The following SLC1A7 variants were observed in gnomAD, a reference collection of about 807,000 sequenced individuals.
SLC1A7 encodes excitatory amino acid transporter 5.
Under a neutral mutation model 47.7 loss-of-function variants are expected in SLC1A7, and 40 were observed. That is an observed-to-expected ratio of 0.84 (90% CI 0.65 to 1.09). The LOEUF is 1.09. SLC1A7 is among the 50% of genes least tolerant of loss of function. SLC1A7 has a pLI of 0.00. For missense variants in SLC1A7, 746 were observed against 769.5 expected (o/e 0.97, Z 0.36); for synonymous variants, 323 against 325.6 (o/e 0.99, Z 0.09).
intron 2 of SLC1A7, among the ~76,000 whole-genome samples, chr1:53,125,888 C>T (rs1644877038): frequency 6.6e-6 from 1 of 152,192 alleles, no homozygotes; most frequent in Admixed American, 6.5e-5. Flanking sequence ...CTGACTGTGG[C>T]CACGGGGTGG....
intron 3 of SLC1A7, among the ~76,000 whole-genome samples, chr1:53,114,129 T>G (rs532260490): frequency 1.3e-5 from 2 of 152,168 alleles, no homozygotes; most frequent in African/African-American, 4.8e-5. Flanking sequence ...AGGGAGCGAA[T>G]GCACGAAGGA....
chr1:53,105,036 C>T (rs766771964), intron 4 of SLC1A7, among the ~76,000 whole-genome samples: 5 of 151,734 alleles, frequency 3.3e-5, no homozygotes, highest in African/African-American at 4.8e-5. Flanking sequence ...ATTTCATAAC[C>T]GGGGAAAATG....
intron 1 of SLC1A7, among the ~76,000 whole-genome samples, chr1:53,135,224 T>C: frequency 6.6e-6 from 1 of 152,302 alleles, no homozygotes; most frequent in East Asian, 1.9e-4. Flanking sequence ...AGCCGAGTAC[T>C]GTTCATGCAT....
intron 5 of SLC1A7, among the ~76,000 whole-genome samples, chr1:53,097,743 C>G (rs1351966103): frequency 6.6e-6 from 1 of 151,616 alleles, no homozygotes; most frequent in Non-Finnish European, 1.5e-5. Flanking sequence ...TACAGTCACA[C>G]ACAGTGCCTT....
intron 5 of SLC1A7, among the ~76,000 whole-genome samples, chr1:53,099,820 G>A (rs1429172205): frequency 1.3e-5 from 2 of 148,288 alleles, no homozygotes; most frequent in Non-Finnish European, 3.0e-5. Context: ...CCCCACCTTG[G>A]TACACTCACA....
At chr1:53,120,281 C>T (rs1394798558) in intron 2 of SLC1A7, among the ~76,000 whole-genome samples, 1 of 152,152 alleles carries the variant, frequency 6.6e-6, no homozygotes, top group Non-Finnish European at 1.5e-5. Flanking sequence ...TGCAGGGCAG[C>T]TCTGCCATTT....
intron 5 of SLC1A7, among the ~76,000 whole-genome samples, chr1:53,098,024 G>C (rs61769978): frequency 6.3e-5 from 9 of 143,118 alleles, no homozygotes; most frequent in African/African-American, 2.4e-4. Flanking sequence ...ACCCTGCCTC[G>C]GTACACTCAC....
chr1:53,095,952 A>G (rs747808491), intron 5 of SLC1A7, among the ~76,000 whole-genome samples: 5 of 144,934 alleles, frequency 3.4e-5, no homozygotes, highest in Non-Finnish European at 7.5e-5. Flanking sequence ...GTACAGTCAC[A>G]CCACCTCGGT....
chr1:53,135,883 A>AT (rs36025187), intron 1 of SLC1A7, among the ~76,000 whole-genome samples: 33,649 of 150,778 alleles, frequency 0.22, 4,193 homozygotes, highest in South Asian at 0.49. Context: ...ACTTGCAACT[A>AT]TTTTTTTTTA....
chr1:53,139,320 G>T (rs1386658507), intron 1 of SLC1A7, among the ~76,000 whole-genome samples: 1 of 152,208 alleles, frequency 6.6e-6, no homozygotes, highest in Non-Finnish European at 1.5e-5. Context: ...GAATGACATG[G>T]TGCCTAAGCT....
At position 53,103,485 on chromosome 1, in the gene SLC1A7, C is replaced by T. The variant is rs533479598; in HGVS notation, c.558G>A (p.Gly186=). 1 of 1,613,164 alleles carries T rather than the reference C, an allele frequency of 6.2e-7. No individual in the cohort carries two copies. The highest frequency in any genetic ancestry group is 1.7e-5 in the Admixed American group (1 of 59,934). Residue 186 remains glycine (G), a synonymous_variant, in exon 5 of 11, where the codon GGG becomes GGA. Coordinates refer to ENST00000371494, the MANE Select transcript of SLC1A7 (RefSeq NM_006671.6). The part of the protein sequence containing the change: ...EAPPRRILIY[G]VQEENGSHVQ... ...CATGGGAGCCATTCTCCTCCTGGAC[C>T]CCGTAGATGAGGATCCGCCGAGGAG...
chr1:53,142,321 T>C lies in SLC1A7; in HGVS notation c.129A>G (p.Ser43=), dbSNP rs1572358242. 1 of 1,557,642 alleles carries C rather than the reference T, an allele frequency of 6.4e-7. No individual in the cohort carries two copies. The highest frequency in any genetic ancestry group is 2.4e-5 in the East Asian group (1 of 41,450). ...LGFFLRTRRL[S]PQEISYFQFP... is the part of the protein sequence containing the mutation. ...GATGCTCTGGGTGGCTGACCTGTGG[T>C]GAGAGGCGCCGGGTCCTCAAGAAGA... is the stretch of plus-strand genomic sequence containing the variant. Residue 43 remains serine (S), a synonymous_variant, in exon 1 of 11, where the codon TCA becomes TCG. Transcript: ENST00000371494.
chr1:53,092,506 G>T (rs1408897213), intron 7 of SLC1A7, 48 bp downstream of exon 7: 1 of 1,369,056 alleles, frequency 7.3e-7, no homozygotes, highest in Non-Finnish European at 1.0e-6. Context: ...GACGGACAGG[G>T]CTCAGCCCCT....
At chr1:53,106,393 G>A (rs1288425) in intron 3 of SLC1A7, among the ~76,000 whole-genome samples, 104,138 of 150,936 alleles carry the variant, frequency 0.69, 38,428 homozygotes, top group Non-Finnish European at 0.82. Context: ...CAAGGCGGGC[G>A]GATCACGAGG....
chr1:53,091,024 G>C, intron 7 of SLC1A7: 2 of 1,390,674 alleles, frequency 1.4e-6, no homozygotes, highest in Non-Finnish European at 1.9e-6. Flanking sequence ...AGATGAGGAA[G>C]CTGACGCCCA....
intron 2 of SLC1A7, among the ~76,000 whole-genome samples, chr1:53,129,182 A>C (rs1644913598): frequency 1.9e-5 from 1 of 51,856 alleles, no homozygotes; most frequent in Non-Finnish European, 4.6e-5. Context: ...ATGTCTCAAA[A>C]AAGAAAAAAA....
At position 53,096,205 on chromosome 1, in the gene SLC1A7, C is replaced by T. The variant is rs116645917; in HGVS notation, c.698-2645G>A. The stretch of plus-strand genomic sequence containing the variant: ...CACATGCCCCACGTTGTTACTTTCA[C>T]GCGCCTAGCCTCGATACACTCACAC... On this transcript the variant is annotated intron_variant, in intron 5 of 10. Coordinates refer to ENST00000371494, the MANE Select transcript of SLC1A7 (RefSeq NM_006671.6). Among the ~76,000 whole-genome samples, 261 of 150,346 alleles carry T rather than the reference C, an allele frequency of 1.7e-3. 1 individual carries two copies. The highest frequency in any genetic ancestry group is 6.1e-3 in the African/African-American group (251 of 40,840).
At chr1:53,092,845 C>T (rs972936684) in intron 6 of SLC1A7, 58 bp from the exon 7 acceptor site, 1 of 1,152,986 alleles carries the variant, frequency 8.7e-7, no homozygotes, top group Non-Finnish European at 1.3e-6. Flanking sequence ...ACCCCGGCCC[C>T]AGCCCCGCAT....
intron 2 of SLC1A7, among the ~76,000 whole-genome samples, chr1:53,125,272 G>C (rs1644870028): frequency 6.6e-6 from 1 of 152,356 alleles, no homozygotes; most frequent in South Asian, 2.1e-4. Context: ...TGGGTGGACA[G>C]AGCAAGTTCC....
Sources: allele counts gnomAD v4.1 joint callset (sites outside exome capture counted in the v4.1 genomes callset), GRCh38; gene constraint gnomAD v4.1.1; transcripts MANE v1.5; gene names NCBI Gene and HGNC (gene_info 2026-07-23, HGNC 2026-07-21).